PRELID2: variants seen among roughly 807,000 people sequenced by gnomAD.
PRELID2 encodes PRELI domain-containing protein 2.
PRELID2 carries 25 observed loss-of-function variants against 28.4 expected under a neutral mutation model. That is an observed-to-expected ratio of 0.88 (90% CI 0.64 to 1.23). The LOEUF (loss-of-function observed/expected upper bound fraction) is 1.23. Among genes scored for constraint, PRELID2 ranks in the 50% most tolerant of loss-of-function variants. The pLI, the probability that PRELID2 is intolerant of heterozygous loss-of-function variation, is 0.00. For synonymous variants in PRELID2, 76 were observed against 71.6 expected (o/e 1.06, Z -0.31); for missense variants, 201 against 214.4 (o/e 0.94, Z 0.39).
intron 1 of PRELID2, among the ~76,000 whole-genome samples, chr5:145,668,438 T>C (rs2149681557): frequency 6.6e-6 from 1 of 151,694 alleles, no homozygotes; most frequent in African/African-American, 2.4e-5. Context: ...AATATAAATC[T>C]AGATTTTAAA....
At chr5:145,486,400 A>C (rs182358913) in intron 1 of PRELID2, among the ~76,000 whole-genome samples, 3 of 152,322 alleles carry the variant, frequency 2.0e-5, no homozygotes, top group Admixed American at 2.0e-4. Flanking sequence ...TAATTTGTTA[A>C]ATTAATGAAT....
At chr5:145,398,583 G>T in the PRELID2 span, among the ~76,000 whole-genome samples, 1 of 151,970 alleles carries the variant, frequency 6.6e-6, no homozygotes, top group African/African-American at 2.4e-5. Flanking sequence ...TGATCCACAG[G>T]ACTCTTAGTT....
chr5:145,801,059 G>A (rs1753104995), intron 4 of PRELID2, among the ~76,000 whole-genome samples: 1 of 152,026 alleles, frequency 6.6e-6, no homozygotes, highest in African/African-American at 2.4e-5. Context: ...TTAACATTAG[G>A]GCATTAGAAT....
At chr5:145,522,510 G>A (rs1752571657) in intron 1 of PRELID2, among the ~76,000 whole-genome samples, 1 of 152,084 alleles carries the variant, frequency 6.6e-6, no homozygotes, top group Admixed American at 6.6e-5. Context: ...TTTCACTTCT[G>A]TATAGTATTT....
At chr5:145,652,011 G>C (rs1258384792) in intron 1 of PRELID2, among the ~76,000 whole-genome samples, 1 of 152,162 alleles carries the variant, frequency 6.6e-6, no homozygotes, top group African/African-American at 2.4e-5. Flanking sequence ...CATGAAAAAA[G>C]TTTAGACAGA....
chr5:145,510,948 C>T (rs1056491694), intron 1 of PRELID2, among the ~76,000 whole-genome samples: 6 of 152,172 alleles, frequency 3.9e-5, no homozygotes, highest in African/African-American at 9.7e-5. Context: ...ATGCCAGATC[C>T]GTCAAGAGGC....
chr5:145,691,896 C>A (rs1002660493), intron 1 of PRELID2, among the ~76,000 whole-genome samples: 10 of 152,232 alleles, frequency 6.6e-5, no homozygotes, highest in African/African-American at 2.4e-4. Context: ...CTACTGAATA[C>A]CCTGAATACT....
At chr5:145,801,996 A>C (rs1481982144) in intron 4 of PRELID2, among the ~76,000 whole-genome samples, 1 of 152,200 alleles carries the variant, frequency 6.6e-6, no homozygotes, top group African/African-American at 2.4e-5. Context: ...TGAATTCCCT[A>C]AACTCCGTAC....
At chr5:145,620,491 G>A (rs1205877980) in intron 1 of PRELID2, among the ~76,000 whole-genome samples, 1 of 152,200 alleles carries the variant, frequency 6.6e-6, no homozygotes, top group Admixed American at 6.5e-5. Context: ...CTACGCATGT[G>A]AGGGAGCACT....
intron 4 of PRELID2, among the ~76,000 whole-genome samples, chr5:145,816,203 C>A (rs766764811): frequency 2.5e-4 from 38 of 151,326 alleles, no homozygotes; most frequent in Non-Finnish European, 4.9e-4. Context: ...GTGCCTCAGC[C>A]ACCCATATAG....
At chr5:145,597,456 T>C (rs1263852447) in intron 1 of PRELID2, among the ~76,000 whole-genome samples, 1 of 152,126 alleles carries the variant, frequency 6.6e-6, no homozygotes, top group Non-Finnish European at 1.5e-5. Flanking sequence ...TATCAAAGCA[T>C]TTCACAGAGT....
intron 1 of PRELID2, among the ~76,000 whole-genome samples, chr5:145,652,131 A>G (rs1754309335): frequency 6.6e-6 from 1 of 152,250 alleles, no homozygotes. Flanking sequence ...AGCAGAATCA[A>G]TCAACTGGAA....
chr5:145,310,548 A>G, the PRELID2 span, among the ~76,000 whole-genome samples: 1 of 152,192 alleles, frequency 6.6e-6, no homozygotes, highest in South Asian at 2.1e-4. Flanking sequence ...CAAAACGATG[A>G]TACTCTTTAA....
the PRELID2 span, among the ~76,000 whole-genome samples, chr5:145,315,997 C>A: frequency 6.6e-6 from 1 of 152,064 alleles, no homozygotes; most frequent in Non-Finnish European, 1.5e-5. Flanking sequence ...AGGTTATTTA[C>A]CTCTCTTGTA....
intron 1 of PRELID2, among the ~76,000 whole-genome samples, chr5:145,494,897 AT>A (rs1369864709): frequency 6.6e-6 from 1 of 152,182 alleles, no homozygotes; most frequent in African/African-American, 2.4e-5. Context: ...AAGTTTTACG[AT>A]TCCTAATTCA....
the PRELID2 span, among the ~76,000 whole-genome samples, chr5:145,360,019 T>G: frequency 6.6e-6 from 1 of 152,186 alleles, no homozygotes; most frequent in Non-Finnish European, 1.5e-5. Flanking sequence ...ATGTCAGACC[T>G]GCTGAGGTAT....
intron 1 of PRELID2, among the ~76,000 whole-genome samples, chr5:145,719,666 C>T (rs2149716217): frequency 6.6e-6 from 1 of 152,052 alleles, no homozygotes; most frequent in South Asian, 2.1e-4. Flanking sequence ...CAACCTGATA[C>T]ACAAAATAAA....
intron 2 of PRELID2, among the ~76,000 whole-genome samples, chr5:145,822,277 CACAGA>C (rs1310853945): frequency 2.6e-5 from 4 of 152,140 alleles, no homozygotes; most frequent in African/African-American, 7.2e-5. Context: ...ATGGGGATAA[CACAGA>C]ACAGAAGAGA....
intron 1 of PRELID2, among the ~76,000 whole-genome samples, chr5:145,713,671 G>GTATA (rs1441387879): frequency 2.2e-5 from 2 of 92,380 alleles, no homozygotes; most frequent in African/African-American, 5.2e-5. Context: ...TATAGTGTGT[G>GTATA]TATATATATA....
Sources: allele counts gnomAD v4.1 joint callset (sites outside exome capture counted in the v4.1 genomes callset), GRCh38; gene constraint gnomAD v4.1.1; transcripts MANE v1.5; gene names NCBI Gene and HGNC (gene_info 2026-07-23, HGNC 2026-07-21).